Variants in PRKCH observed in about 807,000 individuals in gnomAD.
PRKCH encodes protein kinase C eta type.
PRKCH carries 28 observed loss-of-function variants against 82.5 expected under a neutral mutation model. The observed-to-expected ratio is 0.34, with a 90% CI of 0.25 to 0.47. The LOEUF is 0.47. PRKCH is among the 20% of genes least tolerant of loss of function. The probability of loss-of-function intolerance (pLI) is 1.00; values close to 1 mark genes in which losing one functional copy is unlikely to be tolerated. For missense variants in PRKCH, 705 were observed against 881.8 expected (o/e 0.80, Z 2.54); for synonymous variants, 322 against 327.4 (o/e 0.98, Z 0.18).
intron 5 of PRKCH, among the ~76,000 whole-genome samples, chr14:61,449,856 G>GTCTCTCTCTC (rs149977373): frequency 4.5e-4 from 64 of 142,400 alleles, no homozygotes; most frequent in African/African-American, 1.7e-3. Flanking sequence ...CAGGGAAGAT[G>GTCTCTCTCTC]TCTCTCTCTC....
At chr14:61,313,232 C>A (rs1335310879) in intron 1 of PRKCH, among the ~76,000 whole-genome samples, 1 of 152,100 alleles carries the variant, frequency 6.6e-6, no homozygotes, top group Non-Finnish European at 1.5e-5. Context: ...CTTACACAAG[C>A]CATACAGTTT....
chr14:61,290,719 C>T (rs2045353835), intron 1 of PRKCH, among the ~76,000 whole-genome samples: 2 of 152,104 alleles, frequency 1.3e-5, no homozygotes, highest in Non-Finnish European at 2.9e-5. Flanking sequence ...TAATCCTCTG[C>T]AAATATCTCT....
At chr14:61,306,385 A>C (rs1483639372) in intron 1 of PRKCH, 1 of 152,202 alleles carries the variant, frequency 6.6e-6, no homozygotes, top group East Asian at 1.9e-4. Context: ...CTGTCTTACA[A>C]ATTTCAGGGA....
At chr14:61,411,578 C>T (rs1335322101) in intron 2 of PRKCH, among the ~76,000 whole-genome samples, 1 of 152,152 alleles carries the variant, frequency 6.6e-6, no homozygotes, top group Non-Finnish European at 1.5e-5. Flanking sequence ...AGATAGGAAA[C>T]AAATGAGGTG....
intron 1 of PRKCH, among the ~76,000 whole-genome samples, chr14:61,327,939 T>C (rs771598245): frequency 5.9e-5 from 9 of 152,218 alleles, no homozygotes; most frequent in South Asian, 2.1e-4. Context: ...ATCAATGACA[T>C]ACCAATATGT....
At chr14:61,505,395 C>CTTTTTCTTTTTTTTT (rs1887099057) in intron 10 of PRKCH, among the ~76,000 whole-genome samples, 18 of 55,768 alleles carry the variant, frequency 3.2e-4, no homozygotes, top group African/African-American at 9.7e-4. Flanking sequence ...CTTTTCTTTT[C>CTTTTTCTTTTTTTTT]TTTTTTTTTT....
chr14:61,318,452 A>C (rs1368292868), upstream of PRKCH, among the ~76,000 whole-genome samples: 1 of 119,378 alleles, frequency 8.4e-6, no homozygotes, highest in Non-Finnish European at 1.7e-5. Context: ...CCATCCCCCC[A>C]CCTTGTCCTC....
chr14:61,365,594 G>T (rs1450994434), intron 1 of PRKCH, among the ~76,000 whole-genome samples: 1 of 152,056 alleles, frequency 6.6e-6, no homozygotes, highest in East Asian at 1.9e-4. Context: ...GGACACGATA[G>T]ATTTATGCTG....
At chr14:61,471,781 G>A (rs1885515203) in intron 9 of PRKCH, among the ~76,000 whole-genome samples, 1 of 152,054 alleles carries the variant, frequency 6.6e-6, no homozygotes, top group Non-Finnish European at 1.5e-5. Flanking sequence ...AATACCAGCA[G>A]CACCTCTCCA....
intron 1 of PRKCH, among the ~76,000 whole-genome samples, chr14:61,350,455 G>T (rs1054476172): frequency 2.0e-5 from 3 of 152,140 alleles, no homozygotes; most frequent in Non-Finnish European, 4.4e-5. Flanking sequence ...CTTCTGTAAG[G>T]TCAGTGTTTA....
intron 1 of PRKCH, among the ~76,000 whole-genome samples, chr14:61,376,995 A>G (rs1382253236): frequency 6.6e-6 from 1 of 152,204 alleles, no homozygotes; most frequent in Admixed American, 6.5e-5. Flanking sequence ...TTATGGGGAT[A>G]TAGATTGTCT....
intron 1 of PRKCH, among the ~76,000 whole-genome samples, chr14:61,312,705 A>G (rs1226142379): frequency 6.6e-6 from 1 of 152,142 alleles, no homozygotes; most frequent in Non-Finnish European, 1.5e-5. Context: ...CCTTTATAAA[A>G]CCATCAGATC....
chr14:61,425,846 T>TG (rs113941340), intron 2 of PRKCH, among the ~76,000 whole-genome samples: 5,769 of 152,144 alleles, frequency 0.038, 373 homozygotes, highest in African/African-American at 0.13. Context: ...GATTAGATCA[T>TG]GGGGGGTGGT....
At chr14:61,505,267 C>G (rs982672738) in intron 10 of PRKCH, among the ~76,000 whole-genome samples, 2 of 152,034 alleles carry the variant, frequency 1.3e-5, no homozygotes, top group Non-Finnish European at 2.9e-5. Flanking sequence ...GGTCAAGGTA[C>G]CAGCAGATTT....
chr14:61,389,868 AC>A (rs2046649186), intron 1 of PRKCH, among the ~76,000 whole-genome samples: 1 of 152,098 alleles, frequency 6.6e-6, no homozygotes, highest in African/African-American at 2.4e-5. Context: ...TTTCCACTGT[AC>A]CATGTGACTA....
At chr14:61,451,722 C>T (rs552703142) in intron 6 of PRKCH, among the ~76,000 whole-genome samples, 2 of 152,220 alleles carry the variant, frequency 1.3e-5, no homozygotes, top group Middle Eastern at 6.8e-3. Context: ...GTGGGGTGCA[C>T]CTGAAGCCTT....
intron 8 of PRKCH, 69 bp downstream of exon 8, chr14:61,457,388 T>C (rs1249058869): frequency 6.3e-7 from 1 of 1,584,876 alleles, no homozygotes; most frequent in Non-Finnish European, 8.6e-7. Context: ...TGTGTGTGTG[T>C]GCACGCATGC....
intron 1 of PRKCH, chr14:61,326,847 G>T: frequency 5.0e-6 from 1 of 199,790 alleles, no homozygotes; most frequent in African/African-American, 2.3e-5. Flanking sequence ...TTTTTTTTCT[G>T]CTGCTTCTAG....
chr14:61,390,771 TCTTTATA>T (rs1428662858), intron 1 of PRKCH: 1 of 155,664 alleles, frequency 6.4e-6, no homozygotes, highest in African/African-American at 2.4e-5. Context: ...TAGCAGAGAC[TCTTTATA>T]CTTTTTACTC....
Sources: gnomAD v4.1 joint callset for allele counts (sites outside exome capture counted in the v4.1 genomes callset) on GRCh38, gnomAD v4.1.1 for gene constraint, MANE v1.5 for transcripts, NCBI Gene and HGNC (gene_info 2026-07-23, HGNC 2026-07-21) for gene names.